SWT1: variants seen among roughly 807,000 people sequenced by gnomAD.
The protein encoded by SWT1 is SWT1 RNA endoribonuclease homolog, also known as transcriptional protein SWT1.
Under a neutral mutation model 107.3 loss-of-function variants are expected in SWT1, and 33 were observed. The ratio of observed to expected loss-of-function variants is 0.31; its 90% CI spans 0.23 to 0.41. The LOEUF is 0.41. Among genes scored for constraint, SWT1 ranks in the 10% least tolerant of loss-of-function variants. The probability of loss-of-function intolerance (pLI) is 1.00; values close to 1 mark genes in which losing one functional copy is unlikely to be tolerated. For synonymous variants in SWT1, 345 were observed against 348.3 expected, an observed-to-expected ratio of 0.99 and a Z score of 0.11; for missense variants, 898 against 1,028.9, an observed-to-expected ratio of 0.87 and a Z score of 1.74.
intron 13 of SWT1, among the ~76,000 whole-genome samples, 176 bp downstream of exon 13, chr1:185,206,939 G>T (rs1658382128): frequency 6.6e-6 from 1 of 152,166 alleles, no homozygotes; most frequent in African/African-American, 2.4e-5. Flanking sequence ...AGCTCATAGA[G>T]CTATGTATTT....
chr1:185,266,893 T>C lies in SWT1; in HGVS notation c.2442-4430T>C, dbSNP rs1355081267. 2.0e-5 allele frequency among the ~76,000 whole-genome samples: 3 copies of C among 152,232 alleles called. No homozygotes were observed. The South Asian group carries it at 6.2e-4, about 32-fold the overall frequency. The stretch of plus-strand genomic sequence containing the variant: ...AAACAACTACATTAGTGTTTGAACG[T>C]ACATGAAATAATTTGCCAGAAGCAT... On this transcript the variant is annotated intron_variant, in intron 16 of 18. Coordinates refer to ENST00000367500, the MANE Select transcript of SWT1 (RefSeq NM_017673.7).
In SWT1 at chr1:185,219,980, C is replaced by A. The variant is rs114720043; in HGVS notation, c.2122-1869C>A. Reference sequence around the variant, plus strand: ...GCAACATGGCGAAACTCTGTCTCTACAACAAATAAAAAAAATTAGCTGGGC... The same window carrying A: ...GCAACATGGCGAAACTCTGTCTCTAAAACAAATAAAAAAAATTAGCTGGGC... On this transcript the variant is annotated intron_variant, in intron 14 of 18. Transcript: ENST00000367500. Among the ~76,000 whole-genome samples, 592 of 151,686 alleles carry A rather than the reference C, an allele frequency of 3.9e-3. 5 individuals are homozygous for A. The highest frequency in any genetic ancestry group is 0.013 in the African/African-American group (551 of 41,354).
intron 1 of SWT1, among the ~76,000 whole-genome samples, chr1:185,159,431 T>C (rs1184953609): frequency 6.6e-6 from 1 of 152,162 alleles, no homozygotes; most frequent in African/African-American, 2.4e-5. Context: ...ATTGACTTGG[T>C]CCACAGCAGG....
chr1:185,194,613 G>A (rs1362201888), intron 10 of SWT1, among the ~76,000 whole-genome samples: 1 of 151,094 alleles, frequency 6.6e-6, no homozygotes, highest in Admixed American at 6.6e-5. Context: ...TTTCAGTTTG[G>A]GTACTTTCTT....
At chr1:185,217,246 C>G (rs1164156322) in intron 14 of SWT1, among the ~76,000 whole-genome samples, 1 of 152,130 alleles carries the variant, frequency 6.6e-6, no homozygotes, top group East Asian at 1.9e-4. Flanking sequence ...TCCTTTAAAA[C>G]AGGGGTCCAC....
At chr1:185,243,440 T>A (rs931809160) in intron 16 of SWT1, among the ~76,000 whole-genome samples, 12 of 152,166 alleles carry the variant, frequency 7.9e-5, no homozygotes, top group African/African-American at 2.9e-4. Flanking sequence ...TTGAGAAATA[T>A]ATTCTTGTGC....
chr1:185,258,763 A>G (rs1306726417), intron 16 of SWT1, among the ~76,000 whole-genome samples: 1 of 151,920 alleles, frequency 6.6e-6, no homozygotes, highest in Non-Finnish European at 1.5e-5. Flanking sequence ...TGTGTTTACA[A>G]TTCTATCATA....
At position 185,158,960 on chromosome 1, in the gene SWT1, G is replaced by A. The variant is rs1443561747; in HGVS notation, c.-10+1646G>A. On this transcript the variant is annotated intron_variant, in intron 1 of 18. Coordinates refer to ENST00000367500, the MANE Select transcript of SWT1 (RefSeq NM_017673.7). The stretch of plus-strand genomic sequence containing the variant: ...GGGGTGCAGGATCATCAGCTTCAAA[G>A]GTAACACACTCACATGCCTGGCTGT... Among the ~76,000 whole-genome samples, 3 of 152,104 alleles carry A rather than the reference G, an allele frequency of 2.0e-5. No homozygotes were observed. The East Asian group carries it at 5.8e-4, about 29-fold the overall frequency.
At chr1:185,262,304 G>A (rs1241970114) in intron 16 of SWT1, 3 of 152,124 alleles carry the variant, frequency 2.0e-5, no homozygotes, top group Non-Finnish European at 4.4e-5. Context: ...ACTTGTTTCT[G>A]GCTCCCTTTA....
intron 16 of SWT1, among the ~76,000 whole-genome samples, chr1:185,267,966 C>A (rs1291983006): frequency 6.6e-6 from 1 of 152,152 alleles, no homozygotes; most frequent in South Asian, 2.1e-4. Flanking sequence ...TTTCAACAAG[C>A]TGTATTTCTA....
chr1:185,277,450 G>A (rs968754451), intron 18 of SWT1, among the ~76,000 whole-genome samples: 28 of 151,844 alleles, frequency 1.8e-4, no homozygotes, highest in Non-Finnish European at 3.2e-4. Flanking sequence ...CACCATGCCC[G>A]GCTAATTTTT....
chr1:185,214,486 G>C, intron 13 of SWT1, 21 bp from the exon 14 acceptor site: 1 of 1,579,732 alleles, frequency 6.3e-7, no homozygotes, highest in African/African-American at 1.4e-5. Flanking sequence ...ATATTTTTCT[G>C]TCTTAATTTT....
intron 15 of SWT1, among the ~76,000 whole-genome samples, chr1:185,226,573 A>C (rs377362952): frequency 1.3e-5 from 2 of 152,156 alleles, no homozygotes; most frequent in South Asian, 4.1e-4. Context: ...CTCTCTTTAA[A>C]AATCAGTTGC....
rs1462723193 is a variant in SWT1, at chr1:185,183,095, C to CCACT, written c.1138+1039_1138+1042dup. Among the ~76,000 whole-genome samples the CCACT allele has an allele frequency of 2.0e-5, 3 of 151,246 alleles. No homozygotes were observed. In the East Asian group the frequency reaches 5.9e-4, roughly 30 times the overall value. Reference sequence around the variant, plus strand: ...GAGGTTGCAGTGAGCCAAGATTGAGCCACTGCATTCCAGTCTGGGCAACAA... The same window carrying CCACT: ...GAGGTTGCAGTGAGCCAAGATTGAGCCACTCACTGCATTCCAGTCTGGGCAACAA... On this transcript the variant is annotated intron_variant, in intron 7 of 18. Transcript: ENST00000367500.
chr1:185,281,499 C>A, intron 18 of SWT1: 1 of 187,168 alleles, frequency 5.3e-6, no homozygotes, highest in Non-Finnish European at 1.1e-5. Context: ...GTAAAAGTAG[C>A]GACAGGCAAG....
chr1:185,274,704 T>C (rs1265721116), intron 17 of SWT1, among the ~76,000 whole-genome samples: 1 of 152,214 alleles, frequency 6.6e-6, no homozygotes, highest in African/African-American at 2.4e-5. Flanking sequence ...ATTTCACAAT[T>C]CGTTTTATAG....
At chr1:185,201,496 T>A (rs1465166943) in intron 10 of SWT1, among the ~76,000 whole-genome samples, 1 of 152,140 alleles carries the variant, frequency 6.6e-6, no homozygotes, top group Non-Finnish European at 1.5e-5. Context: ...TTCCCTTGGC[T>A]AGGGGAGGGA....
At position 185,174,566 on chromosome 1, in the gene SWT1, C is replaced by G; in HGVS notation, c.419C>G (p.Ala140Gly). 6.2e-7 allele frequency: 1 copy of G among 1,607,436 alleles called. No individual in the cohort carries two copies. The highest frequency in any genetic ancestry group is 8.5e-7 in the Non-Finnish European group (1 of 1,178,226). ...CCTAAAGATATCAAATTGACAAATG[C>G]TGGGAGCAAGCTTGACCATGGAATT... ...FKPKDIKLTN[A>G]GSKLDHGIKS... Residue 140 changes from alanine to glycine, a missense_variant, in exon 5 of 19, where the codon GCT (alanine) becomes GGT (glycine). Coordinates refer to ENST00000367500, the MANE Select transcript of SWT1 (RefSeq NM_017673.7).
intron 4 of SWT1, among the ~76,000 whole-genome samples, chr1:185,169,277 T>C (rs1245120592): frequency 2.0e-5 from 3 of 150,320 alleles, no homozygotes; most frequent in Non-Finnish European, 4.5e-5. Context: ...TACACTGATA[T>C]CCTTTTTTTT....
Sources: allele counts gnomAD v4.1 joint callset (sites outside exome capture counted in the v4.1 genomes callset), GRCh38; gene constraint gnomAD v4.1.1; transcripts MANE v1.5; gene names NCBI Gene and HGNC (gene_info 2026-07-23, HGNC 2026-07-21).